CYP46A1: variants seen among roughly 807,000 people sequenced by gnomAD.
The protein encoded by CYP46A1 is cytochrome P450 family 46 subfamily A member 1.
Under a neutral mutation model 63.3 loss-of-function variants are expected in CYP46A1, and 20 were observed. The observed-to-expected ratio is 0.32, with a 90% CI of 0.22 to 0.46. The LOEUF is 0.46. Among genes scored for constraint, CYP46A1 ranks in the 20% least tolerant of loss-of-function variants. The pLI, the probability that CYP46A1 is intolerant of heterozygous loss-of-function variation, is 1.00. For missense variants in CYP46A1, 445 were observed against 670.8 expected (o/e 0.66, Z 3.72); for synonymous variants, 268 against 273.6 (o/e 0.98, Z 0.20).
rs2056888971 is a variant in CYP46A1 at position 99,725,629 on chromosome 14, G to A, written c.1265+150G>A. Reference sequence around the variant, plus strand: ...TGTGGAGGAAATCACAGCTCAGAGAGGTTAAGTAACTTGCCCAAGTGGCAG... The same window carrying A: ...TGTGGAGGAAATCACAGCTCAGAGAAGTTAAGTAACTTGCCCAAGTGGCAG... On this transcript the variant is annotated intron_variant, in intron 13 of 14. Transcript: ENST00000261835. This position sits in a 1 kb window ranked among gnomAD's most constrained non-coding sequence, Gnocchi z 4.2. 1.6e-6 allele frequency: 1 copy of A among 641,206 alleles called. No individual in the cohort carries two copies. The highest frequency in any genetic ancestry group is 1.9e-5 in the South Asian group (1 of 53,388). The allele number at this position is 641,206 out of a possible 1,614,324, so 39.7% of individuals were successfully genotyped here.
At chr14:99,713,936 C>A (rs1283941949) in intron 7 of CYP46A1, among the ~76,000 whole-genome samples, 3 of 150,212 alleles carry the variant, frequency 2.0e-5, no homozygotes, top group African/African-American at 7.3e-5. Flanking sequence ...TAAAAAGGTT[C>A]CGCACAGCAA....
chr14:99,693,544 TAA>T (rs1332341741), intron 3 of CYP46A1: 1 of 152,230 alleles, frequency 6.6e-6, no homozygotes, highest in Non-Finnish European at 1.5e-5. Flanking sequence ...AATATTTTGT[TAA>T]GAGTTTTTGT....
At chr14:99,718,556 G>A (rs1372184715) in intron 10 of CYP46A1, among the ~76,000 whole-genome samples, 3 of 152,210 alleles carry the variant, frequency 2.0e-5, no homozygotes, top group African/African-American at 7.2e-5. Flanking sequence ...ATTGCCAAGA[G>A]CGTGCTTGTC....
chr14:99,711,487 G>T (rs975640056), intron 7 of CYP46A1: 1 of 152,028 alleles, frequency 6.6e-6, no homozygotes, highest in African/African-American at 2.4e-5. Flanking sequence ...GAACATTACA[G>T]ATTTTTATGA....
intron 5 of CYP46A1, 32 bp from the exon 6 acceptor site, chr14:99,706,615 A>G: frequency 6.2e-7 from 1 of 1,611,866 alleles, no homozygotes; most frequent in Non-Finnish European, 8.5e-7. Context: ...TGGGCTGGCC[A>G]GTGGCCGTTG....
chr14:99,701,574 T>TAAC (rs1312654790), intron 5 of CYP46A1, among the ~76,000 whole-genome samples: 1 of 152,226 alleles, frequency 6.6e-6, no homozygotes, highest in African/African-American at 2.4e-5. Context: ...AGACATTCCC[T>TAAC]AACAACACAT....
intron 1 of CYP46A1, 64 bp downstream of exon 1, chr14:99,684,600 T>C (rs2056473612): frequency 5.9e-6 from 8 of 1,358,752 alleles, no homozygotes; most frequent in Non-Finnish European, 7.9e-6. Flanking sequence ...GGACAGCGTC[T>C]AAGCCGGCGT....
chr14:99,685,088 AC>A (rs1273289722), intron 1 of CYP46A1, among the ~76,000 whole-genome samples: 6 of 3,648 alleles, frequency 1.6e-3, no homozygotes, highest in African/African-American at 2.2e-3. Flanking sequence ...CAACTTGCCA[AC>A]CCCCCCCCAC....
chr14:99,691,855 G>T lies in CYP46A1; in HGVS notation c.276G>T (p.Ser92=). The change falls in exon 3 of 15, where the codon TCG becomes TCT. Residue 92 remains serine, a synonymous_variant. Transcript: ENST00000261835. The part of the protein sequence containing the change: ...KTSVIVTSPE[S]VKKFLMSTKY... ...CAGTCATCGTCACGAGTCCTGAGTCGGTTAAGGTAGGAGGAAGAGTGGTTT... is the reference window on the plus strand; with the variant it reads ...CAGTCATCGTCACGAGTCCTGAGTCTGTTAAGGTAGGAGGAAGAGTGGTTT... The T allele has an allele frequency of 3.1e-6, 5 of 1,614,154 alleles. No individual in the cohort carries two copies. The highest frequency in any genetic ancestry group is 3.4e-6 in the Non-Finnish European group (4 of 1,179,994).
chr14:99,692,877 G>A (rs1281872194), intron 3 of CYP46A1, among the ~76,000 whole-genome samples: 1 of 152,082 alleles, frequency 6.6e-6, no homozygotes, highest in Non-Finnish European at 1.5e-5. Context: ...CAAGGCAGGT[G>A]GCATTGTCTG....
chr14:99,715,095 G>A (rs1410976163), intron 7 of CYP46A1, among the ~76,000 whole-genome samples: 1 of 152,190 alleles, frequency 6.6e-6, no homozygotes, highest in African/African-American at 2.4e-5. Context: ...CACAGTGTGT[G>A]ACTATAGCTA....
intron 7 of CYP46A1, chr14:99,707,989 G>A: frequency 2.9e-6 from 1 of 346,950 alleles, no homozygotes; most frequent in Non-Finnish European, 5.4e-6. Context: ...CTGTTCCACT[G>A]TCTCAGCACA....
At position 99,725,782 on chromosome 14, in the gene CYP46A1, C is replaced by T. The variant is rs2056890267; in HGVS notation, c.1265+303C>T. Among the ~76,000 whole-genome samples the T allele has an allele frequency of 6.6e-6, 1 of 152,194 alleles. No homozygotes were observed. Among genetic ancestry groups the T allele is most frequent in the East Asian group, 1.9e-4 (1 of 5,186 alleles). ...TTCCTGTCTGAGAAATGGGACCATCCGTGGCTGCATCTGCAAGTTGCTGTG... is the reference window on the plus strand; with the variant it reads ...TTCCTGTCTGAGAAATGGGACCATCTGTGGCTGCATCTGCAAGTTGCTGTG... On this transcript the variant is annotated intron_variant, in intron 13 of 14. Coordinates refer to ENST00000261835, the MANE Select transcript of CYP46A1 (RefSeq NM_006668.2). This position sits in a 1 kb window ranked among gnomAD's most constrained non-coding sequence, Gnocchi z 4.2.
At chr14:99,716,743 T>C (rs528157583) in intron 9 of CYP46A1, among the ~76,000 whole-genome samples, 1 of 152,346 alleles carries the variant, frequency 6.6e-6, no homozygotes, top group Admixed American at 6.5e-5. Context: ...GAGTGACGTC[T>C]GTTCCCCACC....
intron 5 of CYP46A1, among the ~76,000 whole-genome samples, chr14:99,703,984 G>A (rs1177702813): frequency 2.6e-5 from 4 of 152,186 alleles, no homozygotes; most frequent in Non-Finnish European, 4.4e-5. Context: ...ACTTCAGGAA[G>A]CTTTGAGGTT....
chr14:99,719,849 C>T (rs2056828885), intron 10 of CYP46A1, among the ~76,000 whole-genome samples: 1 of 151,344 alleles, frequency 6.6e-6, no homozygotes, highest in Non-Finnish European at 1.5e-5. Context: ...GCAAGCTCCA[C>T]CTCCCGGGTT....
rs201998529 is a variant in CYP46A1, at chr14:99,716,214, C to T, written c.907+15C>T. The T allele has an allele frequency of 5.1e-5, 83 of 1,613,776 alleles. No individual in the cohort carries two copies. The highest frequency in any genetic ancestry group is 5.0e-4 in the Admixed American group (30 of 60,006). ...CTTCATTGCTGGTTTGTAGCTTTGG[C>T]GGTGGCCAAGGGCCCGGAGCTCTGC... On this transcript the variant is annotated intron_variant, in intron 9 of 14. Transcript: ENST00000261835.
chr14:99,712,264 G>T (rs114412362), intron 7 of CYP46A1: 2 of 152,112 alleles, frequency 1.3e-5, no homozygotes, highest in South Asian at 2.1e-4. Flanking sequence ...CTTATTCAAC[G>T]TAGTACTATT....
At chr14:99,692,530 A>G (rs1566826340) in intron 3 of CYP46A1, among the ~76,000 whole-genome samples, 1 of 146,668 alleles carries the variant, frequency 6.8e-6, no homozygotes, top group African/African-American at 2.5e-5. Context: ...CAAGAGTGAA[A>G]CTCCATCTCA....
Sources: gnomAD v4.1 joint callset for allele counts (sites outside exome capture counted in the v4.1 genomes callset) on GRCh38, gnomAD v4.1.1 for gene constraint, Gnocchi (gnomAD v3.1) non-coding constraint, MANE v1.5 for transcripts, NCBI Gene and HGNC (gene_info 2026-07-23, HGNC 2026-07-21) for gene names.